LHCGR: variants seen among roughly 807,000 people sequenced by gnomAD.
LHCGR encodes luteinizing hormone/choriogonadotropin receptor.
Under a neutral mutation model 60.7 loss-of-function variants are expected in LHCGR, and 55 were observed. That is an observed-to-expected ratio of 0.91 (90% CI 0.73 to 1.13). The LOEUF is 1.13. Ranked by LOEUF, LHCGR falls within the 50% of genes most tolerant of loss-of-function variation. The pLI is 0.00. For missense variants in LHCGR, 862 were observed against 836.0 expected (o/e 1.03, Z -0.38); for synonymous variants, 337 against 316.5 (o/e 1.06, Z -0.69).
chr2:48,723,309 C>A, intron 6 of LHCGR, 147 bp downstream of exon 6: 1 of 709,586 alleles, frequency 1.4e-6, no homozygotes, highest in Admixed American at 2.1e-5. Context: ...TCTTACACAA[C>A]TCCCTTCACC....
intron 6 of LHCGR, among the ~76,000 whole-genome samples, chr2:48,714,488 T>C (rs1668145504): frequency 6.6e-6 from 1 of 151,932 alleles, no homozygotes; most frequent in African/African-American, 2.4e-5. Context: ...GCCCACTTTT[T>C]TTTTTTTTTT....
intron 1 of LHCGR, among the ~76,000 whole-genome samples, chr2:48,731,777 A>T (rs1164988087): frequency 2.6e-5 from 4 of 152,340 alleles, no homozygotes; most frequent in Non-Finnish European, 5.9e-5. Context: ...GACAAAAACT[A>T]TGTTGAGTAG....
intron 8 of LHCGR, among the ~76,000 whole-genome samples, chr2:48,702,554 T>G (rs977369168): frequency 1.3e-5 from 2 of 152,194 alleles, no homozygotes; most frequent in Admixed American, 1.3e-4. Flanking sequence ...AGAATGATGC[T>G]TTCCAGCTTC....
At chr2:48,753,222 T>A (rs939706304) in intron 1 of LHCGR, among the ~76,000 whole-genome samples, 14 of 152,146 alleles carry the variant, frequency 9.2e-5, no homozygotes, top group Non-Finnish European at 1.6e-4. Context: ...TCCCAGGTGA[T>A]GTTCATACTG....
At chr2:48,715,278 G>C (rs1290339548) in intron 6 of LHCGR, among the ~76,000 whole-genome samples, 1 of 152,164 alleles carries the variant, frequency 6.6e-6, no homozygotes, top group Non-Finnish European at 1.5e-5. Flanking sequence ...GCACCTGGGA[G>C]TATTACAGTA....
At position 48,688,919 on chromosome 2, in the gene LHCGR, T is replaced by A. The variant is rs1680049916; in HGVS notation, c.948-70A>T. ...TATTAAAAAATTCAAGAATTATGTT[T>A]CTTTAAAGGCAAAGAAACAAAAGGA... On this transcript the variant is annotated intron_variant, in intron 10 of 10. Transcript: ENST00000294954. This position sits in a 1 kb window ranked among gnomAD's most constrained non-coding sequence, Gnocchi z 5.2. The A allele has an allele frequency of 2.8e-6, 4 of 1,418,772 alleles. No homozygotes were observed. Among genetic ancestry groups the A allele is most frequent in the Non-Finnish European group, 4.0e-6 (4 of 1,011,250 alleles). The allele number at this position is 1,418,772 out of a possible 1,614,324, so 87.9% of individuals were successfully genotyped here. A position where few individuals can be genotyped will look rare whatever the true frequency, so the allele number is the denominator to read the frequency against.
intron 1 of LHCGR, among the ~76,000 whole-genome samples, chr2:48,747,446 T>C (rs958622347): frequency 6.6e-6 from 1 of 152,148 alleles, no homozygotes; most frequent in African/African-American, 2.4e-5. Flanking sequence ...TTTTACTAAC[T>C]TATCCCCTCT....
chr2:48,738,670 G>A (rs989489636), intron 1 of LHCGR, among the ~76,000 whole-genome samples: 2 of 152,178 alleles, frequency 1.3e-5, no homozygotes, highest in Non-Finnish European at 2.9e-5. Context: ...TTAGCCATAT[G>A]TGGCCACTGG....
intron 1 of LHCGR, among the ~76,000 whole-genome samples, chr2:48,749,769 A>C (rs918996600): frequency 2.6e-5 from 4 of 151,764 alleles, no homozygotes; most frequent in African/African-American, 7.3e-5. Flanking sequence ...ACTACTCTCC[A>C]AGGAGGGAGC....
At chr2:48,721,660 A>T (rs1668504157) in intron 6 of LHCGR, 1 of 470,552 alleles carries the variant, frequency 2.1e-6, no homozygotes, top group Non-Finnish European at 4.4e-6. Context: ...GAGTCCTCTG[A>T]GATGATCTCT....
At chr2:48,721,615 G>T in intron 6 of LHCGR, 2 of 458,124 alleles carry the variant, frequency 4.4e-6, no homozygotes, top group Non-Finnish European at 9.0e-6. Flanking sequence ...AGTGCACCAA[G>T]GATACCAATT....
chr2:48,739,941 C>T (rs1393730447), intron 1 of LHCGR, among the ~76,000 whole-genome samples: 1 of 152,212 alleles, frequency 6.6e-6, no homozygotes, highest in Non-Finnish European at 1.5e-5. Flanking sequence ...AGGTTCATCT[C>T]ACTAGGGAGT....
chr2:48,737,525 A>G (rs1169901802), intron 1 of LHCGR, among the ~76,000 whole-genome samples: 1 of 152,242 alleles, frequency 6.6e-6, no homozygotes, highest in Non-Finnish European at 1.5e-5. Context: ...TTCATCTTAG[A>G]ATAAAATAAA....
chr2:48,740,193 G>A (rs1034827760), intron 1 of LHCGR, among the ~76,000 whole-genome samples: 3 of 152,226 alleles, frequency 2.0e-5, no homozygotes, highest in South Asian at 2.1e-4. Flanking sequence ...AGGGTCTTAC[G>A]CCCATGGAGT....
intron 6 of LHCGR, among the ~76,000 whole-genome samples, chr2:48,722,905 C>G (rs6545060): frequency 1.3e-5 from 2 of 151,894 alleles, no homozygotes; most frequent in African/African-American, 2.4e-5. Flanking sequence ...GGTAACCTGA[C>G]GAGTAACTGT....
chr2:48,737,218 G>C (rs1400407895), intron 1 of LHCGR, among the ~76,000 whole-genome samples: 1 of 152,126 alleles, frequency 6.6e-6, no homozygotes, highest in African/African-American at 2.4e-5. Flanking sequence ...CTATATTATT[G>C]ATTTAAGAAA....
At chr2:48,690,185 A>G (rs1007539687) in intron 10 of LHCGR, among the ~76,000 whole-genome samples, 5 of 152,190 alleles carry the variant, frequency 3.3e-5, no homozygotes, top group African/African-American at 9.7e-5. Flanking sequence ...CTTACTGGCT[A>G]TGAGATAAAA....
intron 7 of LHCGR, 73 bp from the exon 8 acceptor site, chr2:48,709,095 G>A: frequency 2.6e-6 from 3 of 1,150,086 alleles, no homozygotes; most frequent in Non-Finnish European, 4.0e-6. Flanking sequence ...ATATACACAT[G>A]TTTAGACCAA....
At chr2:48,733,186 G>A (rs1669082954) in intron 1 of LHCGR, 5 of 307,526 alleles carry the variant, frequency 1.6e-5, no homozygotes, top group Non-Finnish European at 3.2e-5. Context: ...GGATAATGCA[G>A]TGCAGAACAT....
Sources: allele counts gnomAD v4.1 joint callset (sites outside exome capture counted in the v4.1 genomes callset), GRCh38; gene constraint gnomAD v4.1.1; non-coding constraint Gnocchi (gnomAD v3.1); transcripts MANE v1.5; gene names NCBI Gene and HGNC (gene_info 2026-07-23, HGNC 2026-07-21).